The following NTM variants were observed in gnomAD, a reference collection of about 807,000 sequenced individuals.
NTM encodes IgLON family member 2.
NTM carries 13 observed loss-of-function variants against 42.1 expected under a neutral mutation model. That is an observed-to-expected ratio of 0.31 (90% confidence interval 0.20 to 0.49). The LOEUF is 0.49. Ranked by LOEUF, NTM falls within the 20% of genes least tolerant of loss-of-function variation. The probability of loss-of-function intolerance (pLI) is 0.99; values close to 1 mark genes in which losing one functional copy is unlikely to be tolerated. For synonymous variants in NTM, 187 were observed against 179.2 expected, an observed-to-expected ratio of 1.04 and a Z score of -0.35; for missense variants, 373 against 452.8, an observed-to-expected ratio of 0.82 and a Z score of 1.60.
intron 7 of NTM, among the ~76,000 whole-genome samples, chr11:132,328,441 GA>G (rs148577961): frequency 0.028 from 4,212 of 152,110 alleles, 212 homozygotes; most frequent in African/African-American, 0.096. Flanking sequence ...TAGAGGAAGA[GA>G]AAAAAACCCC....
chr11:131,895,526 A>G (rs2052128740), intron 1 of NTM, among the ~76,000 whole-genome samples: 3 of 152,190 alleles, frequency 2.0e-5, no homozygotes, highest in Admixed American at 2.0e-4. Flanking sequence ...AAAAATGAAC[A>G]AGAAATGGCA....
intron 1 of NTM, among the ~76,000 whole-genome samples, chr11:131,430,152 G>A (rs1252542406): frequency 6.6e-6 from 1 of 152,186 alleles, no homozygotes. Context: ...GCCAGGAAGG[G>A]AGTGGCCATA....
intron 1 of NTM, among the ~76,000 whole-genome samples, chr11:131,643,725 C>A (rs2065424376): frequency 1.3e-5 from 2 of 152,162 alleles, no homozygotes; most frequent in South Asian, 4.1e-4. Context: ...GTTGCTGGAG[C>A]TACAATAACA....
intron 2 of NTM, among the ~76,000 whole-genome samples, chr11:132,046,021 T>C (rs1388819272): frequency 6.6e-6 from 1 of 152,216 alleles, no homozygotes. Flanking sequence ...ATCTGTGCAT[T>C]TCTGTGTCAT....
chr11:131,911,437 G>A (rs1446828103), intron 1 of NTM, 127 bp from the exon 2 acceptor site: 18 of 1,613,250 alleles, frequency 1.1e-5, no homozygotes, highest in Non-Finnish European at 1.5e-5. Flanking sequence ...CGGGGGGCGT[G>A]TGCCGTGCGG....
chr11:132,178,176 G>A (rs899019320), intron 3 of NTM, among the ~76,000 whole-genome samples: 11 of 152,278 alleles, frequency 7.2e-5, no homozygotes, highest in Middle Eastern at 3.4e-3. Flanking sequence ...GGCTGGCTCC[G>A]CAGGATCTCA....
At chr11:132,064,209 C>T (rs1160099827) in intron 2 of NTM, among the ~76,000 whole-genome samples, 1 of 152,158 alleles carries the variant, frequency 6.6e-6, no homozygotes, top group Non-Finnish European at 1.5e-5. Context: ...AAAATTCTTT[C>T]TTTCTCTGGA....
intron 1 of NTM, among the ~76,000 whole-genome samples, chr11:131,434,342 A>G (rs965440209): frequency 1.3e-5 from 2 of 152,246 alleles, no homozygotes; most frequent in African/African-American, 4.8e-5. Flanking sequence ...TTCTAGTTCT[A>G]GATCCTTGAG....
intron 2 of NTM, among the ~76,000 whole-genome samples, chr11:131,943,236 T>G (rs967129023): frequency 1.3e-5 from 2 of 152,130 alleles, no homozygotes; most frequent in African/African-American, 4.8e-5. Context: ...CTAAGGAAGC[T>G]CTCTTGCTAC....
chr11:132,006,200 A>T (rs1000558026), intron 2 of NTM, among the ~76,000 whole-genome samples: 2 of 152,142 alleles, frequency 1.3e-5, no homozygotes, highest in Admixed American at 1.3e-4. Context: ...TAATCTTTCC[A>T]TGGCTTGAAA....
chr11:132,002,685 T>C lies in NTM; in HGVS notation c.167+91037T>C, dbSNP rs558388841. Among the ~76,000 whole-genome samples, 34 of 152,318 alleles carry C rather than the reference T, an allele frequency of 2.2e-4. No individual in the cohort carries two copies. In the South Asian group the frequency reaches 3.3e-3, roughly 15 times the overall value. On this transcript the variant is annotated intron_variant, in intron 2 of 8. Coordinates refer to ENST00000683400, the MANE Select transcript of NTM (RefSeq NM_001352005.2). The surrounding 1 kb of genome is among the most constrained non-coding windows in gnomAD (Gnocchi z 4.5). ...CCTGAATCATTCCTCTCGTTAGGAATGTCAGTCTACTAAATTTTGTGGCAA... is the reference window on the plus strand; with the variant it reads ...CCTGAATCATTCCTCTCGTTAGGAACGTCAGTCTACTAAATTTTGTGGCAA...
intron 1 of NTM, among the ~76,000 whole-genome samples, chr11:131,712,744 A>G (rs529807092): frequency 5.8e-4 from 88 of 151,872 alleles, no homozygotes; most frequent in African/African-American, 1.7e-3. Flanking sequence ...CCACCACACC[A>G]GCCTAATTTT....
chr11:131,707,629 T>C (rs2076722181), intron 1 of NTM, among the ~76,000 whole-genome samples: 1 of 152,172 alleles, frequency 6.6e-6, no homozygotes, highest in Non-Finnish European at 1.5e-5. Context: ...TCAAGTGTTC[T>C]CTTTTCTACA....
chr11:131,636,406 A>T (rs1280234441), intron 1 of NTM, among the ~76,000 whole-genome samples: 1 of 152,164 alleles, frequency 6.6e-6, no homozygotes, highest in Non-Finnish European at 1.5e-5. Context: ...CTCCCTGCGG[A>T]ACCCTCGGAA....
At chr11:132,298,334 AT>A (rs908315633) in intron 4 of NTM, among the ~76,000 whole-genome samples, 4 of 152,068 alleles carry the variant, frequency 2.6e-5, no homozygotes, top group East Asian at 1.9e-4. Flanking sequence ...TTTTATTTTT[AT>A]TTTTTTAGCA....
intron 4 of NTM, among the ~76,000 whole-genome samples, chr11:132,255,601 G>A (rs1212960504): frequency 6.6e-6 from 1 of 152,226 alleles, no homozygotes; most frequent in Non-Finnish European, 1.5e-5. Flanking sequence ...GGGGTGCGGA[G>A]TGGGTGGTGA....
chr11:131,525,421 G>T (rs1461099319), intron 1 of NTM, among the ~76,000 whole-genome samples: 1 of 152,230 alleles, frequency 6.6e-6, no homozygotes, highest in Non-Finnish European at 1.5e-5. Flanking sequence ...GAAGTGGTTT[G>T]CTGAATGATG....
At chr11:131,610,104 A>T (rs776097840) in intron 1 of NTM, among the ~76,000 whole-genome samples, 3 of 152,240 alleles carry the variant, frequency 2.0e-5, no homozygotes, top group African/African-American at 4.8e-5. Context: ...TAAATAGGAC[A>T]CTTGCCAATG....
At chr11:132,189,415 C>G (rs1415115257) in intron 3 of NTM, among the ~76,000 whole-genome samples, 1 of 152,112 alleles carries the variant, frequency 6.6e-6, no homozygotes, top group Non-Finnish European at 1.5e-5. Flanking sequence ...TAATTTATTG[C>G]CCAGTGACAG....
Sources: allele counts gnomAD v4.1 joint callset (sites outside exome capture counted in the v4.1 genomes callset), GRCh38; gene constraint gnomAD v4.1.1; non-coding constraint Gnocchi (gnomAD v3.1); transcripts MANE v1.5; gene names NCBI Gene and HGNC (gene_info 2026-07-23, HGNC 2026-07-21).